PDE4D: variants seen among roughly 807,000 people sequenced by gnomAD.
The protein encoded by PDE4D is phosphodiesterase 4D.
A neutral mutation model predicts 87.4 loss-of-function variants in PDE4D; 24 were observed. That is an observed-to-expected ratio of 0.27 (90% CI 0.20 to 0.39). The LOEUF (loss-of-function observed/expected upper bound fraction) is 0.39, where lower values mean the gene tolerates loss of function less well. Among genes scored for constraint, PDE4D ranks in the 10% least tolerant of loss-of-function variants. PDE4D has a pLI of 1.00. For synonymous variants in PDE4D, 384 were observed against 383.2 expected (o/e 1.00, Z -0.02); for missense variants, 714 against 1,041.0 (o/e 0.69, Z 4.32).
chr5:59,319,432 G>C (rs2153570525), intron 1 of PDE4D, among the ~76,000 whole-genome samples: 1 of 152,134 alleles, frequency 6.6e-6, no homozygotes, highest in Non-Finnish European at 1.5e-5. Flanking sequence ...ATTGAAAAAA[G>C]TTTCAAACAC....
At chr5:60,272,699 C>A (rs1401043227) in intron 1 of PDE4D, among the ~76,000 whole-genome samples, 1 of 152,048 alleles carries the variant, frequency 6.6e-6, no homozygotes, top group Non-Finnish European at 1.5e-5. Flanking sequence ...TCATCTAGTT[C>A]TGGAAGGAAA....
intron 1 of PDE4D, among the ~76,000 whole-genome samples, chr5:59,640,913 G>T (rs1435574648): frequency 6.6e-6 from 1 of 152,104 alleles, no homozygotes; most frequent in African/African-American, 2.4e-5. Context: ...CAGATTTAAG[G>T]CAATTCTATA....
chr5:60,174,238 T>G (rs543077255), intron 2 of PDE4D, among the ~76,000 whole-genome samples: 2 of 152,224 alleles, frequency 1.3e-5, no homozygotes, highest in African/African-American at 4.8e-5. Context: ...CCTTAAAATA[T>G]TACATGGGCC....
intron 2 of PDE4D, among the ~76,000 whole-genome samples, chr5:60,103,683 G>A (rs767977170): frequency 3.3e-5 from 5 of 152,124 alleles, no homozygotes; most frequent in African/African-American, 9.7e-5. Context: ...CTTTACTTAA[G>A]AGCAAGCTTT....
chr5:59,356,983 G>T, intron 1 of PDE4D: 1 of 1,071,266 alleles, frequency 9.3e-7, no homozygotes, highest in Non-Finnish European at 1.2e-6. Flanking sequence ...AGTGGTATGC[G>T]CTGACAGAGA....
chr5:59,858,186 G>T (rs1745737872), intron 1 of PDE4D, among the ~76,000 whole-genome samples: 1 of 152,048 alleles, frequency 6.6e-6, no homozygotes, highest in Admixed American at 6.6e-5. Flanking sequence ...GAGTATCTGA[G>T]AGGTGAATGA....
chr5:59,239,027 T>C (rs1218947572), intron 1 of PDE4D, among the ~76,000 whole-genome samples: 1 of 152,202 alleles, frequency 6.6e-6, no homozygotes, highest in Non-Finnish European at 1.5e-5. Flanking sequence ...AAATAAATAC[T>C]GCTTAAGCAA....
At chr5:60,215,454 AC>A (rs1743756402) in intron 1 of PDE4D, among the ~76,000 whole-genome samples, 1 of 152,098 alleles carries the variant, frequency 6.6e-6, no homozygotes, top group South Asian at 2.1e-4. Context: ...TCTATCTCTT[AC>A]CCCAACCCTC....
chr5:59,714,178 T>C (rs982694661), intron 1 of PDE4D, among the ~76,000 whole-genome samples: 1 of 152,222 alleles, frequency 6.6e-6, no homozygotes, highest in Non-Finnish European at 1.5e-5. Context: ...CAGATGTGGA[T>C]AGATTTGACT....
At chr5:60,420,680 C>T (rs1743006738) in intron 1 of PDE4D, among the ~76,000 whole-genome samples, 1 of 152,232 alleles carries the variant, frequency 6.6e-6, no homozygotes, top group Admixed American at 6.5e-5. Flanking sequence ...GTACTTGGTT[C>T]ATCTCATTGG....
intron 3 of PDE4D, among the ~76,000 whole-genome samples, chr5:59,941,350 T>C (rs1757160936): frequency 1.3e-5 from 2 of 152,222 alleles, no homozygotes; most frequent in African/African-American, 4.8e-5. Flanking sequence ...CCTTATATTG[T>C]TCAACACACT....
intron 1 of PDE4D, among the ~76,000 whole-genome samples, chr5:60,367,020 A>G (rs1356423085): frequency 6.6e-6 from 1 of 152,132 alleles, no homozygotes; most frequent in African/African-American, 2.4e-5. Context: ...CACTCATCCT[A>G]ATCTTTGAGA....
chr5:59,685,717 A>G (rs545160170), intron 1 of PDE4D, among the ~76,000 whole-genome samples: 5 of 149,722 alleles, frequency 3.3e-5, no homozygotes, highest in Non-Finnish European at 7.4e-5. Flanking sequence ...CTAATTAAAA[A>G]TAACAGATTT....
intron 5 of PDE4D, among the ~76,000 whole-genome samples, chr5:59,118,711 T>C (rs1774014576): frequency 1.3e-5 from 2 of 152,214 alleles, no homozygotes; most frequent in Admixed American, 1.3e-4. Context: ...TCTTTGTGTT[T>C]AGATGTCTGT....
rs919464654 is a variant in PDE4D at position 60,450,449 on chromosome 5, A to T, written c.-90+37493T>A. On this transcript the variant is annotated intron_variant, in intron 1 of 16. Transcript: ENST00000502484. ...AAACTGAATTCACAACAAACTGAAA[A>T]ATAGGGGTTAGTTGTTTTACTTGGA... 9.9e-5 allele frequency among the ~76,000 whole-genome samples: 15 copies of T among 152,082 alleles called. 1 individual carries two copies. Among genetic ancestry groups the T allele is most frequent in the African/African-American group, 3.4e-4 (14 of 41,426 alleles).
chr5:59,357,562 C>A (rs1781589229), intron 1 of PDE4D, among the ~76,000 whole-genome samples: 2 of 152,156 alleles, frequency 1.3e-5, no homozygotes, highest in Non-Finnish European at 2.9e-5. Context: ...TGCTGCGTCA[C>A]CTTAGAGAGT....
chr5:59,230,134 A>C (rs1754838176), intron 1 of PDE4D, among the ~76,000 whole-genome samples: 1 of 152,018 alleles, frequency 6.6e-6, no homozygotes, highest in South Asian at 2.1e-4. Flanking sequence ...TTTTTTCTTC[A>C]TTCCTTTTTA....
chr5:59,045,593 A>G (rs1760492149), intron 5 of PDE4D, among the ~76,000 whole-genome samples: 1 of 151,778 alleles, frequency 6.6e-6, no homozygotes, highest in Non-Finnish European at 1.5e-5. Context: ...TGTGTGTGTC[A>G]AAAAAGAAAT....
At chr5:60,470,033 T>C (rs1163186955) in intron 1 of PDE4D, among the ~76,000 whole-genome samples, 1 of 152,184 alleles carries the variant, frequency 6.6e-6, no homozygotes, top group Admixed American at 6.5e-5. Flanking sequence ...CTGTGCAAGT[T>C]AGCCAAGGTG....
Sources: gnomAD v4.1 joint callset for allele counts (sites outside exome capture counted in the v4.1 genomes callset) on GRCh38, gnomAD v4.1.1 for gene constraint, MANE v1.5 for transcripts, NCBI Gene and HGNC (gene_info 2026-07-23, HGNC 2026-07-21) for gene names.